Variants in TNFRSF9 observed in about 807,000 individuals in gnomAD.
TNFRSF9 encodes the protein tumor necrosis factor receptor superfamily member 9.
Under a neutral mutation model 28.8 loss-of-function variants are expected in TNFRSF9, and 16 were observed. That is an observed-to-expected ratio of 0.55 (90% CI 0.38 to 0.84). TNFRSF9 has a LOEUF of 0.84. Among genes scored for constraint, TNFRSF9 ranks in the 40% least tolerant of loss-of-function variants. The pLI is 0.00. For missense variants in TNFRSF9, 303 were observed against 315.0 expected (o/e 0.96, Z 0.29); for synonymous variants, 131 against 117.0 (o/e 1.12, Z -0.77).
chr1:7,931,184 G>A (rs182664692), intron 7 of TNFRSF9, among the ~76,000 whole-genome samples: 64 of 152,242 alleles, frequency 4.2e-4, no homozygotes, highest in African/African-American at 1.5e-3. Flanking sequence ...GTGTAAATGG[G>A]GTCCAATCAT....
In TNFRSF9 at chr1:7,933,294, G is replaced by A; in HGVS notation, c.547C>T (p.His183Tyr). ...TPPAPAREPG[H>Y]SPQIISFFLA... ...AAGAAGGAGATGATCTGCGGAGAGTGTCCTGCAAAACACAGCAAAAGGAGA... is the reference window on the plus strand; with the variant it reads ...AAGAAGGAGATGATCTGCGGAGAGTATCCTGCAAAACACAGCAAAAGGAGA... Residue 183 changes from histidine to tyrosine, a missense_variant and splice_region_variant, in exon 7 of 8, where the codon CAC becomes TAC. His to Tyr is a moderately conservative substitution (Grantham distance 83). Coordinates refer to ENST00000377507, the MANE Select transcript of TNFRSF9 (RefSeq NM_001561.6). The A allele has an allele frequency of 1.9e-6, 3 of 1,612,540 alleles. No homozygotes were observed. Among genetic ancestry groups the A allele is most frequent in the Non-Finnish European group, 2.5e-6 (3 of 1,179,266 alleles).
chr1:7,931,590 C>T (rs895800739), intron 7 of TNFRSF9, among the ~76,000 whole-genome samples: 4 of 152,150 alleles, frequency 2.6e-5, no homozygotes, highest in African/African-American at 4.8e-5. Flanking sequence ...AAAACTACAG[C>T]AAAAGGAAGT....
At position 7,933,278 on chromosome 1, in the gene TNFRSF9, A is replaced by G. The variant is rs1578075388; in HGVS notation, c.563T>C (p.Ile188Thr). 13 of 1,613,608 alleles carry G rather than the reference A, an allele frequency of 8.1e-6. No homozygotes were observed. Among genetic ancestry groups the G allele is most frequent in the Non-Finnish European group, 1.0e-5 (12 of 1,179,700 alleles). ...CGACGTCAGCGCAAGAAAGAAGGAG[A>G]TGATCTGCGGAGAGTGTCCTGCAAA... ...AREPGHSPQI[I>T]SFFLALTSTA... The change falls in exon 7 of 8, where the codon ATC becomes ACC. Residue 188 changes from isoleucine to threonine, a missense_variant. Physicochemically the swap from Ile to Thr is moderately conservative, Grantham distance 89. Coordinates refer to ENST00000377507, the MANE Select transcript of TNFRSF9 (RefSeq NM_001561.6).
At chr1:7,939,420 AC>A (rs1426082254) in intron 2 of TNFRSF9, among the ~76,000 whole-genome samples, 8 of 152,242 alleles carry the variant, frequency 5.3e-5, no homozygotes, top group Non-Finnish European at 7.3e-5. Context: ...ATTGAATAAA[AC>A]AAAATGATTA....
intron 6 of TNFRSF9, among the ~76,000 whole-genome samples, chr1:7,934,004 G>A (rs959390942): frequency 5.9e-5 from 9 of 151,990 alleles, no homozygotes; most frequent in Non-Finnish European, 1.2e-4. Flanking sequence ...GTGACAGAGA[G>A]AGACTCTGTC....
chr1:7,936,308 C>T (rs1324478490), intron 5 of TNFRSF9, among the ~76,000 whole-genome samples: 1 of 152,062 alleles, frequency 6.6e-6, no homozygotes, highest in Non-Finnish European at 1.5e-5. Flanking sequence ...ATCCCAGCTA[C>T]TAGGAGGCCG....
At chr1:7,934,196 C>G (rs532839717) in intron 6 of TNFRSF9, among the ~76,000 whole-genome samples, 158 of 151,966 alleles carry the variant, frequency 1.0e-3, no homozygotes, top group Middle Eastern at 6.8e-3. Flanking sequence ...AGCAACATAG[C>G]AAGACCCCGA....
At chr1:7,937,097 A>C (rs1308805283) in intron 5 of TNFRSF9, among the ~76,000 whole-genome samples, 2 of 152,252 alleles carry the variant, frequency 1.3e-5, no homozygotes, top group African/African-American at 4.8e-5. Flanking sequence ...CAGGCTGATC[A>C]ATGAGAGAAG....
At chr1:7,921,895 T>C (rs890333056) in intron 7 of TNFRSF9, 3 of 152,284 alleles carry the variant, frequency 2.0e-5, no homozygotes, top group African/African-American at 4.8e-5. Flanking sequence ...ATCCCAATCA[T>C]AGCTCTAGTT....
chr1:7,937,835 TAA>T (rs1391494095), intron 4 of TNFRSF9, 79 bp from the exon 5 acceptor site: 5 of 1,262,634 alleles, frequency 4.0e-6, no homozygotes, highest in African/African-American at 3.0e-5. Context: ...GAACTTAATA[TAA>T]GTCATTACCA....
rs751937670 is a variant in TNFRSF9, at chr1:7,935,374, C to T, written c.414-231G>A. Among the ~76,000 whole-genome samples the T allele has an allele frequency of 3.3e-4, 50 of 152,294 alleles. No individual in the cohort carries two copies. In the Middle Eastern group the frequency reaches 0.014, roughly 41 times the overall value. On this transcript the variant is annotated intron_variant, in intron 5 of 7. Transcript: ENST00000377507. ...TGACAGCTTAGTTCAGTCTGTCTTG[C>T]CTGCTTAGTCTCTCACCCCCAGTTT...
intron 7 of TNFRSF9, among the ~76,000 whole-genome samples, chr1:7,932,070 G>T (rs1209488901): frequency 6.6e-6 from 1 of 152,202 alleles, no homozygotes; most frequent in East Asian, 1.9e-4. Flanking sequence ...CCGGAAGGAG[G>T]AGGTTGCGGT....
At chr1:7,921,090 C>A (rs372214424) in intron 7 of TNFRSF9, among the ~76,000 whole-genome samples, 167 bp from the exon 8 acceptor site, 6 of 151,800 alleles carry the variant, frequency 4.0e-5, no homozygotes, top group African/African-American at 1.2e-4. Context: ...AACCCCAGCA[C>A]TTTGGAAGGC....
chr1:7,934,023 CA>C (rs1327790910), intron 6 of TNFRSF9, among the ~76,000 whole-genome samples: 1 of 151,144 alleles, frequency 6.6e-6, no homozygotes, highest in African/African-American at 2.4e-5. Flanking sequence ...TCCACCCCCC[CA>C]AAAAAATAAA....
intron 7 of TNFRSF9, among the ~76,000 whole-genome samples, chr1:7,931,360 A>G (rs1032863776): frequency 2.6e-5 from 4 of 152,264 alleles, no homozygotes; most frequent in African/African-American, 9.6e-5. Context: ...AATAACCCCA[A>G]GCTGGAAATG....
At chr1:7,925,061 C>T (rs1157781611) in intron 7 of TNFRSF9, among the ~76,000 whole-genome samples, 1 of 151,934 alleles carries the variant, frequency 6.6e-6, no homozygotes, top group Admixed American at 6.6e-5. Flanking sequence ...TGCCTGTAAT[C>T]CCAGCACTTT....
At position 7,938,245 on chromosome 1, in the gene TNFRSF9, T is replaced by A. The variant is rs1461525430; in HGVS notation, c.294A>T (p.Gly98=). The part of the protein sequence containing the change: ...CTPGFHCLGA[G]CSMCEQDCKQ... Reference sequence around the variant, plus strand: ...TACAATCCTGTTCACACATGCTGCATCCTGCCCCCAGGCAGTGAAACCCTG... The same window carrying A: ...TACAATCCTGTTCACACATGCTGCAACCTGCCCCCAGGCAGTGAAACCCTG... Residue 98 remains glycine, a synonymous_variant, in exon 4 of 8, where the codon GGA becomes GGT. Transcript: ENST00000377507. 1 of 1,608,628 alleles carries A rather than the reference T, an allele frequency of 6.2e-7. No homozygotes were observed. The highest frequency in any genetic ancestry group is 8.5e-7 in the Non-Finnish European group (1 of 1,177,794).
rs33970118 is a variant in TNFRSF9, at chr1:7,920,304, CT to C, written c.*530del. On this transcript the variant is annotated 3_prime_UTR_variant, in exon 8 of 8. Transcript: ENST00000377507. ...CCTGTTAAGTGGTATCTAGAAAATG[CT>C]TTTTTTTTTTTTTTTTTATCACCAG... is the stretch of plus-strand genomic sequence containing the variant. The C allele has an allele frequency of 0.073, 9,245 of 127,514 alleles. 840 individuals carry two copies. The highest frequency in any genetic ancestry group is 0.45 in the East Asian group (2,053 of 4,592). The allele number at this position is 127,514 out of a possible 1,614,324, so 7.9% of individuals were successfully genotyped here.
chr1:7,926,178 G>A (rs1639647984), intron 7 of TNFRSF9, among the ~76,000 whole-genome samples: 1 of 152,214 alleles, frequency 6.6e-6, no homozygotes, highest in African/African-American at 2.4e-5. Flanking sequence ...TGGGATTACA[G>A]ACATGAGCCA....
Sources: gnomAD v4.1 joint callset for allele counts (sites outside exome capture counted in the v4.1 genomes callset) on GRCh38, gnomAD v4.1.1 for gene constraint, MANE v1.5 for transcripts, NCBI Gene and HGNC (gene_info 2026-07-23, HGNC 2026-07-21) for gene names.